The following RASL10B variants were observed in gnomAD, a reference collection of about 807,000 sequenced individuals.
The protein encoded by RASL10B is RAS like family 10 member B.
RASL10B carries 10 observed loss-of-function variants against 20.7 expected under a neutral mutation model. The ratio of observed to expected loss-of-function variants is 0.48; its 90% CI spans 0.30 to 0.82. The LOEUF (loss-of-function observed/expected upper bound fraction) is 0.82, where lower values mean the gene tolerates loss of function less well. RASL10B is among the 40% of genes least tolerant of loss of function. The pLI is 0.07. For synonymous variants in RASL10B, 110 were observed against 123.3 expected, an observed-to-expected ratio of 0.89 and a Z score of 0.72; for missense variants, 231 against 295.4, an observed-to-expected ratio of 0.78 and a Z score of 1.60.
At position 35,735,436 on chromosome 17, in the gene RASL10B, A is replaced by G. The variant is rs1029880018; in HGVS notation, c.216+36A>G. The G allele has an allele frequency of 4.4e-6, 7 of 1,600,348 alleles. No homozygotes were observed. The highest frequency in any genetic ancestry group is 1.3e-5 in the African/African-American group (1 of 74,664). Reference sequence around the variant, plus strand: ...CCTGGGGGGCATGGGTTAGTGGGGAAACGGATGGGTAGGGGAGAGGCTGGA... The same window carrying G: ...CCTGGGGGGCATGGGTTAGTGGGGAGACGGATGGGTAGGGGAGAGGCTGGA... On this transcript the variant is annotated intron_variant, in intron 2 of 3. Transcript: ENST00000603017. This position sits in a 1 kb window ranked among gnomAD's most constrained non-coding sequence, Gnocchi z 6.7.
At chr17:35,740,888 CAG>C in intron 3 of RASL10B, 145 bp from the exon 4 acceptor site, 1 of 669,048 alleles carries the variant, frequency 1.5e-6, no homozygotes, top group South Asian at 1.9e-5. Context: ...TTGTGCTGAT[CAG>C]AGAATATAAC....
Position 35,741,649 on chromosome 17 carries a change from G to T in RASL10B, c.*344G>T. The T allele has an allele frequency of 6.7e-6, 2 of 298,030 alleles. No individual in the cohort carries two copies. The highest frequency in any genetic ancestry group is 1.2e-5 in the Non-Finnish European group (2 of 162,316). 18.5% of individuals were successfully genotyped at this position (298,030 alleles called of 1,614,324 possible). A position where few individuals can be genotyped will look rare whatever the true frequency, so the allele number is the denominator to read the frequency against. ...GGTGCCGCCTTGGCCGGGCCCCCACGTGTCTTCTCCAGAATGTGTCTGTCT... is the reference window on the plus strand; with the variant it reads ...GGTGCCGCCTTGGCCGGGCCCCCACTTGTCTTCTCCAGAATGTGTCTGTCT... On this transcript the variant is annotated 3_prime_UTR_variant, in exon 4 of 4. Transcript: ENST00000603017.
At chr17:35,740,331 C>T (rs1030050546) in intron 2 of RASL10B, 78 bp from the exon 3 acceptor site, 17 of 1,554,530 alleles carry the variant, frequency 1.1e-5, no homozygotes, top group Admixed American at 1.7e-5. Flanking sequence ...GAGCACTGCC[C>T]CTCTGATGGG....
chr17:35,738,676 C>T (rs1014161), intron 2 of RASL10B, among the ~76,000 whole-genome samples: 12,068 of 152,198 alleles, frequency 0.079, 738 homozygotes, highest in East Asian at 0.16. Flanking sequence ...AACCCTGCTT[C>T]CTCCCTTCAA....
At chr17:35,733,199 TAGC>T (rs1331481286) in intron 1 of RASL10B, among the ~76,000 whole-genome samples, 1 of 152,204 alleles carries the variant, frequency 6.6e-6, no homozygotes, top group Non-Finnish European at 1.5e-5. Flanking sequence ...CAACAGTAGA[TAGC>T]AGCCCCTCCT....
intron 2 of RASL10B, among the ~76,000 whole-genome samples, chr17:35,737,694 G>A (rs1304536662): frequency 1.3e-5 from 2 of 151,978 alleles, no homozygotes; most frequent in Admixed American, 1.3e-4. Flanking sequence ...TTGAGCTCAG[G>A]AGTTCGAGAC....
At chr17:35,740,346 G>A in intron 2 of RASL10B, 63 bp from the exon 3 acceptor site, 1 of 1,584,232 alleles carries the variant, frequency 6.3e-7, no homozygotes. Context: ...GATGGGAGGT[G>A]TTTGGGGGCT....
Position 35,735,353 on chromosome 17 carries a change from A to G in RASL10B, c.169A>G (p.Ile57Val). The change falls in exon 2 of 4, where the codon ATC (isoleucine) becomes GTC (valine). Residue 57 changes from isoleucine to valine, a missense_variant. Ile to Val is a conservative substitution (Grantham distance 29). Transcript: ENST00000603017. This position sits in a 1 kb window ranked among gnomAD's most constrained non-coding sequence, Gnocchi z 6.7. ...VMNGHVHDLQ[I>V]LDFPPISAFP... Reference sequence around the variant, plus strand: ...GAACGGCCACGTGCACGACCTCCAGATCCTCGACTTTCCACCCATCAGCGC... The same window carrying G: ...GAACGGCCACGTGCACGACCTCCAGGTCCTCGACTTTCCACCCATCAGCGC... 1.2e-6 allele frequency: 2 copies of G among 1,614,164 alleles called. No homozygotes were observed. Among genetic ancestry groups the G allele is most frequent in the Non-Finnish European group, 1.7e-6 (2 of 1,180,028 alleles).
rs192877526 is a variant in RASL10B at position 35,733,603 on chromosome 17, C to T, written c.-147-1435C>T. Among the ~76,000 whole-genome samples, 86 of 152,336 alleles carry T rather than the reference C, an allele frequency of 5.6e-4. 1 individual carries two copies. The highest frequency in any genetic ancestry group is 1.2e-3 in the South Asian group (6 of 4,824). On this transcript the variant is annotated intron_variant, in intron 1 of 3. Transcript: ENST00000603017. ...AAAGCATGGCCTTGCCAGAATCCGG[C>T]GAACCCACCTGCCCTGGAGCCAGTT...
Position 35,742,003 on chromosome 17 carries a change from C to T in RASL10B, c.*698C>T, listed in dbSNP as rs2143020687. 6.5e-6 allele frequency: 1 copy of T among 152,846 alleles called. No individual in the cohort carries two copies. Among genetic ancestry groups the T allele is most frequent in the South Asian group, 2.1e-4 (1 of 4,824 alleles). The allele number at this position is 152,846 out of a possible 1,614,324, so 9.5% of individuals were successfully genotyped here. A position where few individuals can be genotyped will look rare whatever the true frequency, so the allele number is the denominator to read the frequency against. ...CAGCCCCCAGAGACACAACAACCTA[C>T]CTTCCAGCCTTAACTCGATGGTCCG... On this transcript the variant is annotated 3_prime_UTR_variant, in exon 4 of 4. Coordinates refer to ENST00000603017, the MANE Select transcript of RASL10B (RefSeq NM_033315.4).
Position 35,735,439 on chromosome 17 carries a change from G to A in RASL10B, c.216+39G>A, listed in dbSNP as rs782443064. ...GGGGGGCATGGGTTAGTGGGGAAAC[G>A]GATGGGTAGGGGAGAGGCTGGATTC... On this transcript the variant is annotated intron_variant, in intron 2 of 3. Coordinates refer to ENST00000603017, the MANE Select transcript of RASL10B (RefSeq NM_033315.4). This position sits in a 1 kb window ranked among gnomAD's most constrained non-coding sequence, Gnocchi z 6.7. 7.8e-5 allele frequency: 125 copies of A among 1,595,128 alleles called. 4 individuals carry two copies. In the South Asian group the frequency reaches 1.1e-3, roughly 14 times the overall value.
chr17:35,733,506 G>A (rs1171721162), intron 1 of RASL10B, among the ~76,000 whole-genome samples: 6 of 152,334 alleles, frequency 3.9e-5, no homozygotes, highest in African/African-American at 1.4e-4. Context: ...GACAACCTGG[G>A]GGACATTCAG....
In RASL10B at chr17:35,742,661, G is replaced by C. The variant is rs1193979420; in HGVS notation, c.*1356G>C. ...GAGGGATTGATGGGGGACTTGGAGG[G>C]AGGGACAAGTGGTGCCCTGTCCCCT... On this transcript the variant is annotated 3_prime_UTR_variant, in exon 4 of 4. Transcript: ENST00000603017. 6.6e-6 allele frequency: 1 copy of C among 152,670 alleles called. No homozygotes were observed. Among genetic ancestry groups the C allele is most frequent in the Non-Finnish European group, 1.5e-5 (1 of 68,096 alleles). 9.5% of individuals were successfully genotyped at this position (152,670 alleles called of 1,614,324 possible).
intron 3 of RASL10B, 67 bp downstream of exon 3, chr17:35,740,600 A>C: frequency 6.4e-7 from 1 of 1,571,126 alleles, no homozygotes; most frequent in African/African-American, 1.3e-5. Flanking sequence ...GTCCCTGTGA[A>C]AAGGGCACAG....
chr17:35,739,604 C>A (rs1555597635), intron 2 of RASL10B, among the ~76,000 whole-genome samples: 2 of 152,210 alleles, frequency 1.3e-5, no homozygotes, highest in East Asian at 1.9e-4. Flanking sequence ...TCTACATCAG[C>A]CCATTATGCA....
chr17:35,735,096 C>G lies in RASL10B; in HGVS notation c.-89C>G. On this transcript the variant is annotated 5_prime_UTR_variant, in exon 2 of 4. Coordinates refer to ENST00000603017, the MANE Select transcript of RASL10B (RefSeq NM_033315.4). The surrounding 1 kb of genome is among the most constrained non-coding windows in gnomAD (Gnocchi z 6.7). Reference sequence around the variant, plus strand: ...CAGAGGCAGCAATGGTTGGTCCTGACGGTGGCTGAGCCCCCAGCCCCTGGA... The same window carrying G: ...CAGAGGCAGCAATGGTTGGTCCTGAGGGTGGCTGAGCCCCCAGCCCCTGGA... The G allele has an allele frequency of 7.4e-7, 1 of 1,352,850 alleles. No homozygotes were observed. Among genetic ancestry groups the G allele is most frequent in the South Asian group, 1.3e-5 (1 of 79,578 alleles). The allele number at this position is 1,352,850 out of a possible 1,614,324, so 83.8% of individuals were successfully genotyped here.
intron 1 of RASL10B, among the ~76,000 whole-genome samples, chr17:35,732,711 G>A (rs949956906): frequency 2.5e-4 from 38 of 152,050 alleles, no homozygotes; most frequent in Non-Finnish European, 3.2e-4. Flanking sequence ...TGTGGTGTCC[G>A]CGACAATCTG....
At chr17:35,732,670 C>T (rs782735830) in intron 1 of RASL10B, among the ~76,000 whole-genome samples, 43 of 152,100 alleles carry the variant, frequency 2.8e-4, no homozygotes, top group Non-Finnish European at 5.7e-4. Flanking sequence ...CCCTGCCGCT[C>T]CCCAGAAAGG....
At chr17:35,739,604 C>T (rs1555597635) in intron 2 of RASL10B, among the ~76,000 whole-genome samples, 1 of 152,210 alleles carries the variant, frequency 6.6e-6, no homozygotes, top group Admixed American at 6.5e-5. Context: ...TCTACATCAG[C>T]CCATTATGCA....
Sources: gnomAD v4.1 joint callset for allele counts (sites outside exome capture counted in the v4.1 genomes callset) on GRCh38, gnomAD v4.1.1 for gene constraint, Gnocchi (gnomAD v3.1) non-coding constraint, MANE v1.5 for transcripts, NCBI Gene and HGNC (gene_info 2026-07-23, HGNC 2026-07-21) for gene names.